The following PIP4K2A variants were observed in gnomAD, a reference collection of about 807,000 sequenced individuals.
The protein encoded by PIP4K2A is phosphatidylinositol 5-phosphate 4-kinase type-2 alpha.
In PIP4K2A, 14 loss-of-function variants were observed where a neutral mutation model predicts 42.9. The ratio of observed to expected loss-of-function variants is 0.33; its 90% confidence interval spans 0.22 to 0.51. The LOEUF (loss-of-function observed/expected upper bound fraction) is 0.51. Ranked by LOEUF, PIP4K2A falls within the 20% of genes least tolerant of loss-of-function variation. The pLI, the probability that PIP4K2A is intolerant of heterozygous loss-of-function variation, is 0.97. For synonymous variants in PIP4K2A, 192 were observed against 192.2 expected (o/e 1.00, Z 0.01); for missense variants, 434 against 519.8 (o/e 0.83, Z 1.61).
At chr10:22,664,482 A>C (rs1034484743) in intron 1 of PIP4K2A, among the ~76,000 whole-genome samples, 1 of 150,918 alleles carries the variant, frequency 6.6e-6, no homozygotes, top group Admixed American at 6.6e-5. Context: ...GATCACACAC[A>C]ATAGTATGCC....
chr10:22,576,239 T>C (rs1837117883), intron 4 of PIP4K2A, among the ~76,000 whole-genome samples: 1 of 152,212 alleles, frequency 6.6e-6, no homozygotes, highest in Non-Finnish European at 1.5e-5. Flanking sequence ...GGCACACTGC[T>C]GCATTTCAGT....
chr10:22,689,128 G>T (rs1382900355), intron 1 of PIP4K2A, among the ~76,000 whole-genome samples: 2 of 152,084 alleles, frequency 1.3e-5, no homozygotes, highest in Non-Finnish European at 2.9e-5. Flanking sequence ...TCGGAGGTGG[G>T]GGACTAGCCC....
chr10:22,605,510 T>C (rs1169086616), intron 3 of PIP4K2A, among the ~76,000 whole-genome samples: 2 of 152,248 alleles, frequency 1.3e-5, no homozygotes, highest in Admixed American at 6.5e-5. Flanking sequence ...AATTGGTCAT[T>C]TGAGGAAATT....
At chr10:22,593,962 T>C (rs922030183) in intron 3 of PIP4K2A, among the ~76,000 whole-genome samples, 1 of 152,226 alleles carries the variant, frequency 6.6e-6, no homozygotes, top group Non-Finnish European at 1.5e-5. Flanking sequence ...TAGGACAGTA[T>C]AACGTCCTCT....
intron 6 of PIP4K2A, among the ~76,000 whole-genome samples, chr10:22,560,337 C>T (rs1486035468): frequency 6.6e-6 from 1 of 152,170 alleles, no homozygotes; most frequent in Non-Finnish European, 1.5e-5. Flanking sequence ...TTTGGGGAGC[C>T]CGCCGCCCTG....
chr10:22,535,263 A>G lies in PIP4K2A; in HGVS notation c.*1938T>C, dbSNP rs896658207. 6.6e-6 allele frequency: 1 copy of G among 152,276 alleles called. No homozygotes were observed. Among genetic ancestry groups the G allele is most frequent in the East Asian group, 1.9e-4 (1 of 5,202 alleles). The allele number at this position is 152,276 out of a possible 1,614,324, so 9.4% of individuals were successfully genotyped here. A position where few individuals can be genotyped will look rare whatever the true frequency, so the allele number is the denominator to read the frequency against. On this transcript the variant is annotated 3_prime_UTR_variant, in exon 10 of 10. Coordinates refer to ENST00000376573, the MANE Select transcript of PIP4K2A (RefSeq NM_005028.5). ...TCAAACCACAGTAGAACTTCACAACACAAAAACTGATCTGATGCCAGAATT... is the reference window on the plus strand; with the variant it reads ...TCAAACCACAGTAGAACTTCACAACGCAAAAACTGATCTGATGCCAGAATT...
chr10:22,609,824 T>A, intron 1 of PIP4K2A, 107 bp from the exon 2 acceptor site: 1 of 649,920 alleles, frequency 1.5e-6, no homozygotes. Flanking sequence ...CAGGAACTTC[T>A]CTTCCCACCC....
chr10:22,621,866 A>G (rs926003477), intron 1 of PIP4K2A, among the ~76,000 whole-genome samples: 1 of 152,234 alleles, frequency 6.6e-6, no homozygotes, highest in Non-Finnish European at 1.5e-5. Context: ...CTGTTACACC[A>G]GAACTTTTGT....
chr10:22,589,660 T>A (rs1420814269), intron 4 of PIP4K2A, among the ~76,000 whole-genome samples: 2 of 152,208 alleles, frequency 1.3e-5, no homozygotes, highest in Non-Finnish European at 2.9e-5. Flanking sequence ...TATTAGAGCA[T>A]CATGCATGAA....
chr10:22,543,463 G>C (rs1455889357), intron 7 of PIP4K2A, among the ~76,000 whole-genome samples: 1 of 152,188 alleles, frequency 6.6e-6, no homozygotes, highest in Non-Finnish European at 1.5e-5. Context: ...TAAAAATAGA[G>C]GCAAACCCCT....
chr10:22,567,704 TAC>T, intron 6 of PIP4K2A, 145 bp downstream of exon 6: 1 of 786,356 alleles, frequency 1.3e-6, no homozygotes, highest in Non-Finnish European at 2.4e-6. Flanking sequence ...ATCGGGTCAA[TAC>T]AGTGTTTCTC....
At position 22,539,924 on chromosome 10, in the gene PIP4K2A, A is replaced by AGAGAGG. The variant is rs1554792202; in HGVS notation, c.1140+46_1140+47insCCTCTC. 20 of 950,292 alleles carry AGAGAGG rather than the reference A, an allele frequency of 2.1e-5. No homozygotes were observed. The African/African-American group carries it at 2.1e-4, about 10-fold the overall frequency. The allele number at this position is 950,292 out of a possible 1,614,324, so 58.9% of individuals were successfully genotyped here. On this transcript the variant is annotated intron_variant, in intron 9 of 9. Coordinates refer to ENST00000376573, the MANE Select transcript of PIP4K2A (RefSeq NM_005028.5). ...GAGAGAGAGAGAGGGAGAGAGAGAG[A>AGAGAGG]GAGAGAGGGAGAGAAAGAGAGAAGG...
intron 1 of PIP4K2A, among the ~76,000 whole-genome samples, chr10:22,707,766 C>G (rs1250292507): frequency 6.6e-6 from 1 of 152,186 alleles, no homozygotes. Context: ...GCTCTCCCCA[C>G]TTTCTCACCC....
chr10:22,662,895 AT>A (rs1391410076), intron 1 of PIP4K2A, among the ~76,000 whole-genome samples: 1 of 152,272 alleles, frequency 6.6e-6, no homozygotes, highest in African/African-American at 2.4e-5. Context: ...TTACAGAGAT[AT>A]GCACACATCT....
chr10:22,611,084 G>C (rs1478556417), intron 1 of PIP4K2A, among the ~76,000 whole-genome samples: 1 of 152,174 alleles, frequency 6.6e-6, no homozygotes, highest in Non-Finnish European at 1.5e-5. Context: ...CACAATTAAT[G>C]CACGTTATAA....
intron 1 of PIP4K2A, among the ~76,000 whole-genome samples, chr10:22,660,225 C>G (rs1211337213): frequency 6.6e-6 from 1 of 152,174 alleles, no homozygotes; most frequent in Admixed American, 6.5e-5. Context: ...AATCCTAGCA[C>G]TTTGGGAGAC....
At chr10:22,620,962 C>T (rs1435805209) in intron 1 of PIP4K2A, among the ~76,000 whole-genome samples, 1 of 152,202 alleles carries the variant, frequency 6.6e-6, no homozygotes, top group Admixed American at 6.5e-5. Flanking sequence ...GCCACAGCTC[C>T]AATATTCTAA....
intron 4 of PIP4K2A, among the ~76,000 whole-genome samples, chr10:22,576,903 G>A (rs1281358336): frequency 5.9e-5 from 9 of 151,712 alleles, no homozygotes; most frequent in African/African-American, 1.9e-4. Context: ...GCGAAACCTC[G>A]TCTCTGCTAA....
At chr10:22,703,503 AGG>A (rs1833755322) in intron 1 of PIP4K2A, among the ~76,000 whole-genome samples, 1 of 152,240 alleles carries the variant, frequency 6.6e-6, no homozygotes, top group Non-Finnish European at 1.5e-5. Context: ...GCTTGCCTTT[AGG>A]AACAGAAAAA....
Sources: allele counts gnomAD v4.1 joint callset (sites outside exome capture counted in the v4.1 genomes callset), GRCh38; gene constraint gnomAD v4.1.1; transcripts MANE v1.5; gene names NCBI Gene and HGNC (gene_info 2026-07-23, HGNC 2026-07-21).